KDM2A: variants seen among roughly 807,000 people sequenced by gnomAD.
The protein encoded by KDM2A is lysine-specific demethylase 2A.
In KDM2A, 3 loss-of-function variants were observed where a neutral mutation model predicts 137.3. That is an observed-to-expected ratio of 0.02 (90% CI 0.01 to 0.06). KDM2A has a LOEUF of 0.06. Among genes scored for constraint, KDM2A ranks in the 10% least tolerant of loss-of-function variants. The pLI, the probability that KDM2A is intolerant of heterozygous loss-of-function variation, is 1.00. For synonymous variants in KDM2A, 512 were observed against 541.5 expected (o/e 0.95, Z 0.76); for missense variants, 738 against 1,510.6 (o/e 0.49, Z 8.48).
intron 2 of KDM2A, among the ~76,000 whole-genome samples, chr11:67,159,844 T>C (rs1024090198): frequency 6.6e-6 from 1 of 152,164 alleles, no homozygotes; most frequent in Non-Finnish European, 1.5e-5. Context: ...TTAGGATATG[T>C]TCATATCAGA....
At chr11:67,216,875 G>T (rs553308683) in intron 8 of KDM2A, among the ~76,000 whole-genome samples, 1 of 151,638 alleles carries the variant, frequency 6.6e-6, no homozygotes, top group Non-Finnish European at 1.5e-5. Flanking sequence ...AGCTGAGATC[G>T]CGCCATTGCA....
chr11:67,146,715 G>A (rs1856256253), intron 2 of KDM2A, among the ~76,000 whole-genome samples: 1 of 151,976 alleles, frequency 6.6e-6, no homozygotes, highest in African/African-American at 2.4e-5. Context: ...TTGATGTGTT[G>A]CCCAGATTGG....
chr11:67,161,466 G>A (rs1856636659), intron 2 of KDM2A, among the ~76,000 whole-genome samples: 1 of 152,150 alleles, frequency 6.6e-6, no homozygotes, highest in Admixed American at 6.6e-5. Context: ...GTTTTGCACA[G>A]TTTTTAACTG....
intron 5 of KDM2A, among the ~76,000 whole-genome samples, chr11:67,187,124 G>A (rs1419004080): frequency 1.3e-5 from 2 of 152,086 alleles, no homozygotes; most frequent in South Asian, 4.1e-4. Flanking sequence ...TAATCCCTAT[G>A]ATAACCATAA....
chr11:67,223,886 A>G (rs1858448443), intron 10 of KDM2A, among the ~76,000 whole-genome samples: 1 of 152,170 alleles, frequency 6.6e-6, no homozygotes, highest in Admixed American at 6.6e-5. Context: ...CCAAATACCT[A>G]TTGGTTGTTG....
At chr11:67,238,063 TGAGGCA>T (rs1858922476) in intron 12 of KDM2A, among the ~76,000 whole-genome samples, 1 of 152,224 alleles carries the variant, frequency 6.6e-6, no homozygotes. Flanking sequence ...AACTCAGTTA[TGAGGCA>T]TATATGCTTA....
chr11:67,137,986 C>T (rs993294493), intron 2 of KDM2A, among the ~76,000 whole-genome samples: 4 of 152,006 alleles, frequency 2.6e-5, no homozygotes, highest in African/African-American at 4.8e-5. Flanking sequence ...TTAGTAGAGA[C>T]GGGGTTTCAC....
intron 12 of KDM2A, among the ~76,000 whole-genome samples, chr11:67,235,284 G>A (rs891133392): frequency 6.6e-5 from 10 of 151,766 alleles, no homozygotes; most frequent in African/African-American, 2.4e-4. Context: ...GGTAGAATAG[G>A]GTTTTCCTAC....
At chr11:67,232,066 T>G in intron 12 of KDM2A, 106 bp downstream of exon 12, 1 of 1,120,794 alleles carries the variant, frequency 8.9e-7, no homozygotes. Context: ...TCTGGTTCAG[T>G]CAGAGAGAAG....
chr11:67,253,072 C>G (rs1565428059), intron 18 of KDM2A, among the ~76,000 whole-genome samples: 1 of 152,208 alleles, frequency 6.6e-6, no homozygotes, highest in Non-Finnish European at 1.5e-5. Flanking sequence ...CTGCAATGGA[C>G]AGCAAAGAGA....
intron 2 of KDM2A, among the ~76,000 whole-genome samples, chr11:67,170,386 GGT>G (rs201573988): frequency 4.4e-4 from 64 of 144,892 alleles, no homozygotes; most frequent in East Asian, 3.4e-3. Context: ...CCAAGCATGG[GGT>G]TTTTTTTTTT....
Position 67,245,559 on chromosome 11 carries a change from G to A in KDM2A, c.1833+101G>A, listed in dbSNP as rs1859179182. On this transcript the variant is annotated intron_variant, in intron 14 of 20. Coordinates refer to ENST00000529006, the MANE Select transcript of KDM2A (RefSeq NM_012308.3). This position sits in a 1 kb window ranked among gnomAD's most constrained non-coding sequence, Gnocchi z 4.1. The stretch of plus-strand genomic sequence containing the variant: ...GTTAAAGAGACTTCAGAGTTGGAAA[G>A]AAAAGGTTTATACTCTCTTTTTGGC... 3.4e-5 allele frequency: 46 copies of A among 1,336,854 alleles called. No homozygotes were observed. In the South Asian group the frequency reaches 6.1e-4, roughly 18 times the overall value. 82.8% of individuals were successfully genotyped at this position (1,336,854 alleles called of 1,614,324 possible).
intron 8 of KDM2A, among the ~76,000 whole-genome samples, chr11:67,216,494 A>G (rs749574512): frequency 2.0e-5 from 3 of 152,224 alleles, no homozygotes; most frequent in Non-Finnish European, 2.9e-5. Context: ...CTATATGAGA[A>G]TGGAAATCTA....
At chr11:67,184,014 C>T (rs1045621506) in intron 5 of KDM2A, among the ~76,000 whole-genome samples, 1 of 149,516 alleles carries the variant, frequency 6.7e-6, no homozygotes, top group African/African-American at 2.5e-5. Context: ...GGGGCAATTC[C>T]TTGAGCCCTG....
chr11:67,212,352 CA>C (rs1171726283), intron 6 of KDM2A, among the ~76,000 whole-genome samples: 1 of 152,186 alleles, frequency 6.6e-6, no homozygotes, highest in Non-Finnish European at 1.5e-5. Context: ...GCAACTTTTA[CA>C]TGCCTGTTAT....
intron 5 of KDM2A, among the ~76,000 whole-genome samples, chr11:67,191,272 G>T (rs1249821678): frequency 2.0e-5 from 3 of 151,950 alleles, no homozygotes; most frequent in Middle Eastern, 3.2e-3. Flanking sequence ...TGATCTGCTC[G>T]CCTCGGCCTC....
chr11:67,213,341 C>T (rs972151592), intron 6 of KDM2A, among the ~76,000 whole-genome samples: 2 of 152,152 alleles, frequency 1.3e-5, no homozygotes, highest in Non-Finnish European at 2.9e-5. Context: ...GTTTGGCTCT[C>T]GAGTTTTACC....
intron 6 of KDM2A, among the ~76,000 whole-genome samples, chr11:67,213,741 A>C (rs1858067445): frequency 6.8e-6 from 1 of 148,048 alleles, no homozygotes; most frequent in African/African-American, 2.6e-5. Context: ...CCTGGGTGAC[A>C]GAGCAGACCG....
chr11:67,169,054 C>G (rs989111274), intron 2 of KDM2A, among the ~76,000 whole-genome samples: 6 of 144,376 alleles, frequency 4.2e-5, no homozygotes, highest in African/African-American at 1.5e-4. Flanking sequence ...TGCCGGGGTT[C>G]AAGCGATTCT....
Sources: gnomAD v4.1 joint callset for allele counts (sites outside exome capture counted in the v4.1 genomes callset) on GRCh38, gnomAD v4.1.1 for gene constraint, Gnocchi (gnomAD v3.1) non-coding constraint, MANE v1.5 for transcripts, NCBI Gene and HGNC (gene_info 2026-07-23, HGNC 2026-07-21) for gene names.